Variants in ZNF569 observed in about 807,000 individuals in gnomAD.
ZNF569 encodes DNA-binding protein.
Under a neutral mutation model 56.3 loss-of-function variants are expected in ZNF569, and 38 were observed. That is an observed-to-expected ratio of 0.68 (90% CI 0.52 to 0.88). The LOEUF is 0.88. Among genes scored for constraint, ZNF569 ranks in the 40% least tolerant of loss-of-function variants. The probability of loss-of-function intolerance (pLI) is 0.00; values close to 1 mark genes in which losing one functional copy is unlikely to be tolerated. For synonymous variants in ZNF569, 241 were observed against 262.9 expected, an observed-to-expected ratio of 0.92 and a Z score of 0.81; for missense variants, 666 against 809.2, an observed-to-expected ratio of 0.82 and a Z score of 2.15.
In ZNF569 at chr19:37,430,228, T is replaced by G. The variant is rs560113790; in HGVS notation, c.16-3850A>C. ...AAAAAAGAATATAGACTCAGAAATG[T>G]GAGCTAGAGCAATAAGTGCATTAAC... On this transcript the variant is annotated intron_variant, in intron 3 of 5. Coordinates refer to ENST00000316950, the MANE Select transcript of ZNF569 (RefSeq NM_152484.3). Among the ~76,000 whole-genome samples the G allele has an allele frequency of 1.3e-4, 19 of 149,652 alleles. No homozygotes were observed. The South Asian group carries it at 4.0e-3, about 31-fold the overall frequency.
intron 3 of ZNF569, among the ~76,000 whole-genome samples, chr19:37,442,974 G>A (rs894870827): frequency 5.3e-5 from 8 of 152,200 alleles, no homozygotes; most frequent in African/African-American, 1.4e-4. Flanking sequence ...GAGTGTGTGC[G>A]CTGTGTTACA....
upstream of ZNF569, chr19:37,469,096 C>A (rs905164659): frequency 9.6e-6 from 10 of 1,043,614 alleles, no homozygotes; most frequent in Non-Finnish European, 1.2e-5. Flanking sequence ...TGACGCTGGG[C>A]CCCGTCCCTG....
chr19:37,448,568 T>C (rs2041537931), intron 2 of ZNF569, among the ~76,000 whole-genome samples: 1 of 140,586 alleles, frequency 7.1e-6, no homozygotes, highest in Non-Finnish European at 1.5e-5. Flanking sequence ...TTTTTTTTTT[T>C]TTTTTTTTTT....
Position 37,412,722 on chromosome 19 carries a change from T to C in ZNF569, c.1936A>G (p.Ile646Val). Residue 646 changes from isoleucine to valine, a missense_variant, in exon 6 of 6, where the codon ATC becomes GTC. Physicochemically the swap from Ile to Val is conservative, Grantham distance 29 (BLOSUM62 3). Transcript: ENST00000316950. ...CTCATATGAAGGGTAAGAGATGAGA[T>C]TTGAGAGAAGGCTTTTCCACATTTA... ...CSKCGKAFSQISSLTLHMRKH... is the reference protein window; with the variant it reads ...CSKCGKAFSQVSSLTLHMRKH... 6.2e-7 allele frequency: 1 copy of C among 1,613,962 alleles called. No individual in the cohort carries two copies. Among genetic ancestry groups the C allele is most frequent in the East Asian group, 2.2e-5 (1 of 44,864 alleles).
At chr19:37,426,100 G>A in intron 4 of ZNF569, 137 bp from the exon 5 acceptor site, 1 of 1,294,712 alleles carries the variant, frequency 7.7e-7, no homozygotes, top group Non-Finnish European at 1.1e-6. Context: ...CTTTTGCTCT[G>A]AAAACTGCAG....
chr19:37,451,178 T>C (rs956553097), intron 2 of ZNF569, among the ~76,000 whole-genome samples: 2 of 152,188 alleles, frequency 1.3e-5, no homozygotes, highest in African/African-American at 4.8e-5. Flanking sequence ...GGCAGGCAGA[T>C]CACCTGAGGT....
At chr19:37,450,334 G>C (rs992334906) in intron 2 of ZNF569, among the ~76,000 whole-genome samples, 2 of 152,106 alleles carry the variant, frequency 1.3e-5, no homozygotes, top group Non-Finnish European at 2.9e-5. Flanking sequence ...ACTAGTTATA[G>C]GTCTGTTCAG....
chr19:37,431,001 C>T (rs2041216962), intron 3 of ZNF569, among the ~76,000 whole-genome samples: 1 of 152,204 alleles, frequency 6.6e-6, no homozygotes, highest in South Asian at 2.1e-4. Flanking sequence ...TTTGGACCAG[C>T]CCCAGCCAGT....
At chr19:37,468,385 C>G (rs1314190944), upstream of ZNF569, among the ~76,000 whole-genome samples, 1 of 152,148 alleles carries the variant, frequency 6.6e-6, no homozygotes, top group African/African-American at 2.4e-5. Flanking sequence ...CGCACGGGGC[C>G]GGTCTTAATA....
At chr19:37,450,403 T>C (rs2041572924) in intron 2 of ZNF569, among the ~76,000 whole-genome samples, 2 of 152,184 alleles carry the variant, frequency 1.3e-5, no homozygotes, top group African/African-American at 4.8e-5. Context: ...TCTAGGAATT[T>C]AATTTTTTAT....
intron 3 of ZNF569, among the ~76,000 whole-genome samples, chr19:37,436,816 G>A (rs1181686562): frequency 2.0e-5 from 3 of 151,974 alleles, no homozygotes; most frequent in Non-Finnish European, 4.4e-5. Flanking sequence ...TAATGAGATT[G>A]AAGCTGTAAT....
intron 3 of ZNF569, among the ~76,000 whole-genome samples, chr19:37,437,437 A>G (rs2041329127): frequency 2.0e-5 from 3 of 152,306 alleles, no homozygotes; most frequent in South Asian, 4.1e-4. Flanking sequence ...AAGGGTGCCC[A>G]CTTTCACCAC....
At chr19:37,425,318 ATTTTTTTTT>A (rs770808954) in intron 5 of ZNF569, among the ~76,000 whole-genome samples, 1 of 104,148 alleles carries the variant, frequency 9.6e-6, no homozygotes, top group African/African-American at 3.9e-5. Context: ...CACGTGGCTA[ATTTTTTTTT>A]TTTTTTTTTT....
At chr19:37,462,215 G>C (rs927144152) in intron 2 of ZNF569, among the ~76,000 whole-genome samples, 1 of 152,018 alleles carries the variant, frequency 6.6e-6, no homozygotes, top group Non-Finnish European at 1.5e-5. Context: ...CCTCTCTCCT[G>C]TTATTGCCGT....
rs182336565 is a variant in ZNF569 at position 37,437,467 on chromosome 19, G to A, written c.15+7440C>T. ...CACCACTGTTATTCAACATAGTACT[G>A]GAAATCCTAGCAAGAGAAATCAGAT... On this transcript the variant is annotated intron_variant, in intron 3 of 5. Coordinates refer to ENST00000316950, the MANE Select transcript of ZNF569 (RefSeq NM_152484.3). Among the ~76,000 whole-genome samples, 222 of 152,184 alleles carry A rather than the reference G, an allele frequency of 1.5e-3. 1 individual carries two copies. The highest frequency in any genetic ancestry group is 3.4e-3 in the Middle Eastern group (1 of 292).
intron 5 of ZNF569, among the ~76,000 whole-genome samples, chr19:37,418,281 G>T (rs969414704): frequency 6.6e-6 from 1 of 151,908 alleles, no homozygotes; most frequent in Admixed American, 6.6e-5. Flanking sequence ...AAACTGGAGA[G>T]GCCCACCTAG....
intron 3 of ZNF569, among the ~76,000 whole-genome samples, chr19:37,443,111 G>GTCC (rs1343714143): frequency 2.6e-5 from 4 of 152,150 alleles, no homozygotes; most frequent in Non-Finnish European, 5.9e-5. Flanking sequence ...CCCAGCCTTT[G>GTCC]TGAGGCGGGC....
chr19:37,445,041 GGT>G, intron 2 of ZNF569, 77 bp from the exon 3 acceptor site: 1 of 1,106,194 alleles, frequency 9.0e-7, no homozygotes, highest in East Asian at 2.5e-5. Context: ...GTGGATTAAA[GGT>G]CACCCTGTAG....
rs149968570 is a variant in ZNF569, at chr19:37,419,163, G to A, written c.239-4744C>T. Among the ~76,000 whole-genome samples the A allele has an allele frequency of 6.7e-3, 1,023 of 152,194 alleles. 15 individuals are homozygous for A. Among genetic ancestry groups the A allele is most frequent in the African/African-American group, 0.024 (982 of 41,510 alleles). ...TTCTTGTAAATTTAAGTTCCTTATA[G>A]ATGCTGGATATTAGGACTGTGTCAG... On this transcript the variant is annotated intron_variant, in intron 5 of 5. Transcript: ENST00000316950.
Sources: gnomAD v4.1 joint callset for allele counts (sites outside exome capture counted in the v4.1 genomes callset) on GRCh38, gnomAD v4.1.1 for gene constraint, MANE v1.5 for transcripts, NCBI Gene and HGNC (gene_info 2026-07-23, HGNC 2026-07-21) for gene names.